Variants in MTUS2 observed in about 807,000 individuals in gnomAD.
The protein encoded by MTUS2 is microtubule associated scaffold protein 2, also known as microtubule-associated tumor suppressor candidate 2.
MTUS2 carries 40 observed loss-of-function variants against 114.1 expected under a neutral mutation model. The observed-to-expected ratio is 0.35, with a 90% CI of 0.27 to 0.46. The LOEUF (loss-of-function observed/expected upper bound fraction) is 0.46, where lower values mean the gene tolerates loss of function less well. Ranked by LOEUF, MTUS2 falls within the 20% of genes least tolerant of loss-of-function variation. The pLI, the probability that MTUS2 is intolerant of heterozygous loss-of-function variation, is 1.00. For missense variants in MTUS2, 1,679 were observed against 1,705.4 expected, an observed-to-expected ratio of 0.98 and a Z score of 0.27; for synonymous variants, 688 against 672.0, an observed-to-expected ratio of 1.02 and a Z score of -0.37.
At chr13:29,363,385 A>AT (rs1408725770) in intron 8 of MTUS2, among the ~76,000 whole-genome samples, 4 of 152,220 alleles carry the variant, frequency 2.6e-5, no homozygotes, top group Admixed American at 2.6e-4. Flanking sequence ...ATGGTTTTGA[A>AT]TTTTTTTACA....
chr13:28,909,509 A>C (rs1880267348), intron 2 of MTUS2, among the ~76,000 whole-genome samples: 1 of 152,192 alleles, frequency 6.6e-6, no homozygotes, highest in East Asian at 1.9e-4. Flanking sequence ...TCAATAAATT[A>C]GGTATTTATG....
At chr13:28,861,756 G>A (rs74441096) in intron 2 of MTUS2, among the ~76,000 whole-genome samples, 4 of 152,140 alleles carry the variant, frequency 2.6e-5, no homozygotes, top group South Asian at 2.1e-4. Flanking sequence ...GATATTCCCC[G>A]TATCCAGCAG....
At chr13:28,885,528 C>T (rs947852586) in intron 2 of MTUS2, among the ~76,000 whole-genome samples, 11 of 152,274 alleles carry the variant, frequency 7.2e-5, no homozygotes, top group African/African-American at 2.6e-4. Flanking sequence ...AAGTTAGGAT[C>T]CAGACTTATT....
intron 5 of MTUS2, among the ~76,000 whole-genome samples, chr13:29,252,382 A>G (rs7993548): frequency 6.6e-6 from 1 of 152,316 alleles, no homozygotes; most frequent in South Asian, 2.1e-4. Context: ...AGATGTACCC[A>G]TAACCCTTTT....
intron 2 of MTUS2, among the ~76,000 whole-genome samples, chr13:28,980,728 T>C (rs923881702): frequency 3.3e-5 from 5 of 152,124 alleles, no homozygotes; most frequent in African/African-American, 1.2e-4. Flanking sequence ...TCAATATTTG[T>C]AATTTTGATA....
chr13:29,158,358 C>CCCCCCCCCCCCTT, intron 5 of MTUS2, among the ~76,000 whole-genome samples: 1 of 32,046 alleles, frequency 3.1e-5, no homozygotes. Flanking sequence ...GTCCACCCCG[C>CCCCCCCCCCCCTT]TTTTTTTTTT....
At chr13:29,145,720 C>A (rs1193124662) in intron 5 of MTUS2, among the ~76,000 whole-genome samples, 1 of 152,046 alleles carries the variant, frequency 6.6e-6, no homozygotes, top group Non-Finnish European at 1.5e-5. Context: ...TATTTTTCTG[C>A]AGCTTTCTAT....
chr13:29,354,801 C>A (rs151155173), intron 7 of MTUS2, among the ~76,000 whole-genome samples: 1 of 152,158 alleles, frequency 6.6e-6, no homozygotes, highest in Non-Finnish European at 1.5e-5. Flanking sequence ...AAATAGTGGG[C>A]CACTGGGCAA....
chr13:29,221,003 A>G (rs997601763), intron 5 of MTUS2, among the ~76,000 whole-genome samples: 1 of 152,228 alleles, frequency 6.6e-6, no homozygotes, highest in Non-Finnish European at 1.5e-5. Flanking sequence ...ACTTTAGACT[A>G]TTTCCAACAA....
chr13:29,251,292 GATAATAATAATA>G (rs10526021), intron 5 of MTUS2, among the ~76,000 whole-genome samples: 1 of 146,488 alleles, frequency 6.8e-6, no homozygotes, highest in Non-Finnish European at 1.5e-5. Flanking sequence ...ATGGGATGAT[GATAATAATAATA>G]ATAATAATAA....
intron 8 of MTUS2, among the ~76,000 whole-genome samples, chr13:29,428,449 C>G (rs1876717559): frequency 1.3e-5 from 2 of 152,352 alleles, no homozygotes; most frequent in Admixed American, 1.3e-4. Context: ...GGGCTGGGAG[C>G]GGCCGCGCAC....
At chr13:29,497,582 C>A in intron 13 of MTUS2, 1 of 540,518 alleles carries the variant, frequency 1.9e-6, no homozygotes, top group East Asian at 3.1e-5. Flanking sequence ...CATTCCCCAG[C>A]TGGAGTCGTG....
intron 8 of MTUS2, among the ~76,000 whole-genome samples, chr13:29,400,676 G>A (rs942032713): frequency 6.6e-6 from 1 of 152,178 alleles, no homozygotes; most frequent in African/African-American, 2.4e-5. Flanking sequence ...AGTGTCATTA[G>A]CTATTCATTC....
intron 2 of MTUS2, among the ~76,000 whole-genome samples, chr13:28,914,167 A>T (rs1880615628): frequency 6.6e-6 from 1 of 151,036 alleles, no homozygotes; most frequent in Non-Finnish European, 1.5e-5. Context: ...GCGGTTCTCT[A>T]GTTCTTTTAG....
At chr13:29,222,287 C>T (rs1468040480) in intron 5 of MTUS2, among the ~76,000 whole-genome samples, 3 of 152,192 alleles carry the variant, frequency 2.0e-5, no homozygotes, top group South Asian at 2.1e-4. Flanking sequence ...ACTAGTACTG[C>T]ACCATTTTAA....
chr13:29,358,031 C>G (rs1462391893), intron 7 of MTUS2, among the ~76,000 whole-genome samples: 1 of 152,144 alleles, frequency 6.6e-6, no homozygotes, highest in Non-Finnish European at 1.5e-5. Context: ...TCCCTGGTAT[C>G]TCGGAGAGGA....
In MTUS2 at chr13:29,463,785, G is replaced by C. The variant is rs1879689550; in HGVS notation, c.3185-16365G>C. Among the ~76,000 whole-genome samples, 3 of 152,212 alleles carry C rather than the reference G, an allele frequency of 2.0e-5. No individual in the cohort carries two copies. The South Asian group carries it at 6.2e-4, about 32-fold the overall frequency. On this transcript the variant is annotated intron_variant, in intron 9 of 15. Transcript: ENST00000612955. ...GGGCCGAGGCGGGCATATCACTTGAGGTCAGGAGTTCCAGACCAGCCTGGC... is the reference window on the plus strand; with the variant it reads ...GGGCCGAGGCGGGCATATCACTTGACGTCAGGAGTTCCAGACCAGCCTGGC...
chr13:29,363,564 T>G (rs1474881803), intron 8 of MTUS2, among the ~76,000 whole-genome samples: 2 of 152,196 alleles, frequency 1.3e-5, no homozygotes, highest in African/African-American at 4.8e-5. Context: ...AAAAATTTAA[T>G]ATAGAATAGT....
chr13:29,500,919 A>G (rs1406869350), intron 14 of MTUS2, among the ~76,000 whole-genome samples, 178 bp from the exon 15 acceptor site: 1 of 152,194 alleles, frequency 6.6e-6, no homozygotes, highest in Non-Finnish European at 1.5e-5. Flanking sequence ...TGTTTCATTT[A>G]AAGAAGAAAT....
Sources: gnomAD v4.1 joint callset for allele counts (sites outside exome capture counted in the v4.1 genomes callset) on GRCh38, gnomAD v4.1.1 for gene constraint, MANE v1.5 for transcripts, NCBI Gene and HGNC (gene_info 2026-07-23, HGNC 2026-07-21) for gene names.